The following ERI1 variants were observed in gnomAD, a reference collection of about 807,000 sequenced individuals.
ERI1 encodes exoribonuclease 1, also known as 3'-5' exoribonuclease 1.
Under a neutral mutation model 39.7 loss-of-function variants are expected in ERI1, and 39 were observed. The observed-to-expected ratio is 0.98, with a 90% CI of 0.76 to 1.28. The LOEUF (loss-of-function observed/expected upper bound fraction) is 1.28, where lower values mean the gene tolerates loss of function less well. ERI1 is among the 50% of genes most tolerant of loss of function. ERI1 has a pLI of 0.00. For synonymous variants in ERI1, 204 were observed against 149.6 expected, an observed-to-expected ratio of 1.36 and a Z score of -2.65; for missense variants, 581 against 416.9, an observed-to-expected ratio of 1.39 and a Z score of -3.43.
At chr8:9,055,285 CTACAGTCTATT>C (rs1415748361) in intron 3 of ERI1, among the ~76,000 whole-genome samples, 11 of 152,234 alleles carry the variant, frequency 7.2e-5, no homozygotes, top group Admixed American at 2.0e-4. Context: ...CAAGAGAAGA[CTACAGTCTATT>C]TACAACTCCA....
intron 3 of ERI1, among the ~76,000 whole-genome samples, chr8:9,057,412 C>T (rs1022807389): frequency 6.6e-6 from 1 of 152,214 alleles, no homozygotes; most frequent in Non-Finnish European, 1.5e-5. Flanking sequence ...GCACTAGGGA[C>T]TGGCAACAAC....
At chr8:9,079,773 T>C (rs566391556) in intron 3 of ERI1, among the ~76,000 whole-genome samples, 1 of 152,234 alleles carries the variant, frequency 6.6e-6, no homozygotes, top group South Asian at 2.1e-4. Flanking sequence ...CAGGCTCAGA[T>C]GATCCTCCCA....
chr8:9,015,518 C>A lies in ERI1; in HGVS notation c.499-804C>A, dbSNP rs75304558. ...AAATAAGACCATCGTGTCAGGAGAT[C>A]GAGACCATCCTGGCTAACATGGTGA... On this transcript the variant is annotated intron_variant, in intron 3 of 6. Transcript: ENST00000250263. Among the ~76,000 whole-genome samples, 55 of 151,854 alleles carry A rather than the reference C, an allele frequency of 3.6e-4. 2 individuals carry two copies. The South Asian group carries it at 8.8e-3, about 24-fold the overall frequency.
At chr8:9,086,690 A>G (rs887814816) in intron 3 of ERI1, among the ~76,000 whole-genome samples, 1 of 152,260 alleles carries the variant, frequency 6.6e-6, no homozygotes, top group African/African-American at 2.4e-5. Context: ...ACAGTAAAAA[A>G]TGAAAAGCAG....
At chr8:9,050,887 C>T (rs1798335379) in intron 3 of ERI1, among the ~76,000 whole-genome samples, 1 of 152,204 alleles carries the variant, frequency 6.6e-6, no homozygotes, top group East Asian at 1.9e-4. Flanking sequence ...GCAAAAGTGA[C>T]TCAGGGCAGC....
intron 1 of ERI1, 28 bp from the exon 2 acceptor site, chr8:9,007,942 T>C: frequency 1.2e-5 from 10 of 856,682 alleles, no homozygotes; most frequent in Non-Finnish European, 1.5e-5. Flanking sequence ...ATCCTTTTTT[T>C]TTTTTTTTTT....
At chr8:9,042,927 C>T (rs1004563708) in intron 3 of ERI1, among the ~76,000 whole-genome samples, 3 of 152,206 alleles carry the variant, frequency 2.0e-5, no homozygotes, top group Admixed American at 6.5e-5. Context: ...CATGCTCCCA[C>T]GCGCAGTGCC....
intron 2 of ERI1, among the ~76,000 whole-genome samples, chr8:9,011,296 C>G (rs1175267675): frequency 1.3e-5 from 2 of 152,030 alleles, no homozygotes; most frequent in African/African-American, 2.4e-5. Flanking sequence ...GGAGAAAATA[C>G]TGTTATATAC....
chr8:9,057,133 G>A (rs1798534166), intron 3 of ERI1, among the ~76,000 whole-genome samples: 1 of 151,194 alleles, frequency 6.6e-6, no homozygotes, highest in South Asian at 2.1e-4. Flanking sequence ...ACACCGGCCT[G>A]TTTTTTTGTT....
At chr8:9,077,037 A>C (rs560459981) in intron 3 of ERI1, among the ~76,000 whole-genome samples, 7 of 152,258 alleles carry the variant, frequency 4.6e-5, no homozygotes, top group South Asian at 4.1e-4. Context: ...TCCCCTTCCA[A>C]TGTACCTCAT....
At chr8:9,092,359 T>C (rs1227626163) in intron 3 of ERI1, among the ~76,000 whole-genome samples, 1 of 152,144 alleles carries the variant, frequency 6.6e-6, no homozygotes, top group East Asian at 1.9e-4. Flanking sequence ...TCTCGTTCTG[T>C]TCAGAATCTT....
chr8:9,084,728 C>T (rs1035159769), intron 3 of ERI1, among the ~76,000 whole-genome samples: 9 of 152,138 alleles, frequency 5.9e-5, no homozygotes, highest in African/African-American at 2.2e-4. Flanking sequence ...TTGTGAGTAC[C>T]CTAACTACAT....
chr8:9,017,832 G>C (rs1817467870), intron 4 of ERI1, among the ~76,000 whole-genome samples: 1 of 152,182 alleles, frequency 6.6e-6, no homozygotes, highest in Non-Finnish European at 1.5e-5. Context: ...AGAGTGGTTG[G>C]AGGATTTAAG....
At position 9,033,131 on chromosome 8, in the gene ERI1, C is replaced by T. The variant is rs1797706002; in HGVS notation, c.*3097C>T. On this transcript the variant is annotated 3_prime_UTR_variant, in exon 7 of 7. Coordinates refer to ENST00000250263, the MANE Select transcript of ERI1 (RefSeq NM_153332.4). ...ACCTGTATATCAAGCCTCCTTGCCC[C>T]ACAAAGCTTCCAAAGCCCGTAAATT... The T allele has an allele frequency of 6.6e-6, 1 of 152,150 alleles. No individual in the cohort carries two copies. The highest frequency in any genetic ancestry group is 6.5e-5 in the Admixed American group (1 of 15,270). 9.4% of individuals were successfully genotyped at this position (152,150 alleles called of 1,614,324 possible). A position where few individuals can be genotyped will look rare whatever the true frequency, so the allele number is the denominator to read the frequency against.
rs796270284 is a variant in ERI1 at position 9,093,517 on chromosome 8, A to AG, written n.300-22831_300-22830insG. On this transcript the variant is annotated intron_variant and non_coding_transcript_variant, in intron 3 of 3. Transcript: ENST00000518663. The stretch of plus-strand genomic sequence containing the variant: ...AGACCTTGTCTCTAAAAAAAAAAAA[A>AG]AAAAAGAAGAAGAAGAAGAAGAAAG... 2.7e-5 allele frequency among the ~76,000 whole-genome samples: 4 copies of AG among 150,804 alleles called. No homozygotes were observed. In the South Asian group the frequency reaches 8.4e-4, roughly 32 times the overall value.
At chr8:9,016,724 C>T (rs1470476880) in intron 4 of ERI1, among the ~76,000 whole-genome samples, 4 of 152,138 alleles carry the variant, frequency 2.6e-5, no homozygotes, top group Admixed American at 1.3e-4. Context: ...CTCACTCTGT[C>T]ACCCAGGCTT....
chr8:9,012,957 A>G (rs899123227), intron 3 of ERI1, among the ~76,000 whole-genome samples: 3 of 152,134 alleles, frequency 2.0e-5, no homozygotes, highest in South Asian at 2.1e-4. Flanking sequence ...TCATTCCACT[A>G]AAATCACTCA....
chr8:9,067,382 ATGTGTGTGTGTGTGTG>A (rs10551937), intron 3 of ERI1, among the ~76,000 whole-genome samples: 7 of 143,900 alleles, frequency 4.9e-5, no homozygotes, highest in Middle Eastern at 3.2e-3. Flanking sequence ...ACCTGTGTGC[ATGTGTGTGTGTGTGTG>A]TGTGTGTGTG....
intron 6 of ERI1, among the ~76,000 whole-genome samples, chr8:9,025,700 TTTTGTGTG>T (rs1344574170): frequency 1.1e-4 from 9 of 81,570 alleles, no homozygotes; most frequent in Non-Finnish European, 2.5e-4. Flanking sequence ...AATCTTTTTT[TTTTGTGTG>T]TGTGTGTGTG....
Sources: allele counts gnomAD v4.1 joint callset (sites outside exome capture counted in the v4.1 genomes callset), GRCh38; gene constraint gnomAD v4.1.1; transcripts MANE v1.5; gene names NCBI Gene and HGNC (gene_info 2026-07-23, HGNC 2026-07-21).